The following DCC variants were observed in gnomAD, a reference collection of about 807,000 sequenced individuals.
DCC encodes DCC netrin 1 receptor.
A neutral mutation model predicts 172.5 loss-of-function variants in DCC; 58 were observed. The ratio of observed to expected loss-of-function variants is 0.34; its 90% CI spans 0.27 to 0.42. The LOEUF (loss-of-function observed/expected upper bound fraction) is 0.42. DCC is among the 10% of genes least tolerant of loss of function. The probability of loss-of-function intolerance (pLI) is 1.00; values close to 1 mark genes in which losing one functional copy is unlikely to be tolerated. For missense variants in DCC, 1,740 were observed against 1,791.0 expected, an observed-to-expected ratio of 0.97 and a Z score of 0.51; for synonymous variants, 709 against 644.5, an observed-to-expected ratio of 1.10 and a Z score of -1.52.
At chr18:52,596,811 T>C (rs1598942764) in intron 1 of DCC, among the ~76,000 whole-genome samples, 1 of 152,228 alleles carries the variant, frequency 6.6e-6, no homozygotes, top group East Asian at 1.9e-4. Flanking sequence ...AAATCCTTCC[T>C]ACATGGCCTC....
rs982791809 is a variant in DCC, at chr18:52,340,654, G to A, written c.-134G>A. The A allele has an allele frequency of 2.6e-6, 2 of 774,486 alleles. No individual in the cohort carries two copies. Among genetic ancestry groups the A allele is most frequent in the Non-Finnish European group, 4.7e-6 (2 of 421,746 alleles). 48.0% of individuals were successfully genotyped at this position (774,486 alleles called of 1,614,324 possible). A position where few individuals can be genotyped will look rare whatever the true frequency, so the allele number is the denominator to read the frequency against. On this transcript the variant is annotated 5_prime_UTR_variant, in exon 1 of 29. Coordinates refer to ENST00000442544, the MANE Select transcript of DCC (RefSeq NM_005215.4). ...AGGGGAGGTGGAGAAAGAGGTGGAG[G>A]AAGAGGACGAGGAGGAGGAGGAAGC...
intron 1 of DCC, among the ~76,000 whole-genome samples, chr18:52,418,858 C>CTTTTTTT (rs11313758): frequency 1.9e-4 from 18 of 92,934 alleles, no homozygotes; most frequent in African/African-American, 4.2e-4. Flanking sequence ...TTCTTTCTTT[C>CTTTTTTT]TTTTTTTTTT....
intron 1 of DCC, among the ~76,000 whole-genome samples, chr18:52,411,400 C>CTAA (rs1433921514): frequency 6.6e-6 from 1 of 152,158 alleles, no homozygotes. Flanking sequence ...GCATGGAAAA[C>CTAA]TAAAGCAAGC....
At chr18:52,464,600 G>C (rs1440668586) in intron 1 of DCC, among the ~76,000 whole-genome samples, 1 of 152,168 alleles carries the variant, frequency 6.6e-6, no homozygotes, top group African/African-American at 2.4e-5. Flanking sequence ...TGAAAATGCA[G>C]GTTCCCCAGC....
chr18:52,451,741 T>G, intron 1 of DCC, among the ~76,000 whole-genome samples: 1 of 152,048 alleles, frequency 6.6e-6, no homozygotes, highest in East Asian at 1.9e-4. Flanking sequence ...TAAAAAGGTA[T>G]AAGTGGTCAA....
At chr18:52,552,363 G>T (rs750023727) in intron 1 of DCC, among the ~76,000 whole-genome samples, 3 of 152,034 alleles carry the variant, frequency 2.0e-5, no homozygotes, top group Non-Finnish European at 4.4e-5. Context: ...CCATTCTTGA[G>T]ATATGTGCAT....
chr18:53,171,366 T>C (rs149072752), intron 8 of DCC, among the ~76,000 whole-genome samples: 73 of 152,292 alleles, frequency 4.8e-4, no homozygotes, highest in African/African-American at 1.6e-3. Flanking sequence ...CATAGAGTTG[T>C]CTTGGAGGTG....
In DCC at chr18:53,066,365, A is replaced by G. The variant is rs1210613456; in HGVS notation, c.1261+199A>G. On this transcript the variant is annotated intron_variant, in intron 7 of 28. Coordinates refer to ENST00000442544, the MANE Select transcript of DCC (RefSeq NM_005215.4). ...TGTGTACATGTGTGTATATATATATATATATATATATATATATATATATAT... is the reference window on the plus strand; with the variant it reads ...TGTGTACATGTGTGTATATATATATGTATATATATATATATATATATATAT... 4.7e-3 allele frequency among the ~76,000 whole-genome samples: 264 copies of G among 55,968 alleles called. 5 individuals carry two copies. Among genetic ancestry groups the G allele is most frequent in the African/African-American group, 0.016 (110 of 6,684 alleles). 36.7% of individuals were successfully genotyped at this position (55,968 alleles called of 152,430 possible).
At chr18:52,500,728 T>C (rs1002789888) in intron 1 of DCC, among the ~76,000 whole-genome samples, 2 of 152,212 alleles carry the variant, frequency 1.3e-5, no homozygotes, top group African/African-American at 4.8e-5. Flanking sequence ...TTTTTCATAA[T>C]GTCTCTCTCA....
chr18:52,364,055 C>A, intron 1 of DCC, among the ~76,000 whole-genome samples: 1 of 152,146 alleles, frequency 6.6e-6, no homozygotes, highest in Non-Finnish European at 1.5e-5. Flanking sequence ...CTTGAGTCAC[C>A]CTCTCATGGC....
At chr18:53,336,795 G>C (rs1192076554) in intron 14 of DCC, among the ~76,000 whole-genome samples, 1 of 152,224 alleles carries the variant, frequency 6.6e-6, no homozygotes. Flanking sequence ...AGGTTGGCTT[G>C]AGTCAGAGGG....
chr18:52,581,187 T>TATCTATCTATCTATCTATCTATCTATC (rs1555699056), intron 1 of DCC, among the ~76,000 whole-genome samples: 2 of 146,452 alleles, frequency 1.4e-5, no homozygotes, highest in Non-Finnish European at 3.0e-5. Flanking sequence ...TCTATATATC[T>TATCTATCTATCTATCTATCTATCTATC]TATCTATCTA....
chr18:53,499,589 A>G (rs1388791482), intron 27 of DCC, 79 bp downstream of exon 27: 1 of 1,150,726 alleles, frequency 8.7e-7, no homozygotes, highest in Non-Finnish European at 1.3e-6. Flanking sequence ...GTGCTTGAGA[A>G]GGCCTAGATG....
intron 15 of DCC, among the ~76,000 whole-genome samples, chr18:53,343,998 C>T (rs1221455582): frequency 6.6e-6 from 1 of 151,780 alleles, no homozygotes; most frequent in Non-Finnish European, 1.5e-5. Flanking sequence ...TCATATTGGT[C>T]TTTTCTTGTT....
chr18:53,152,994 G>T (rs1248641830), intron 7 of DCC, among the ~76,000 whole-genome samples: 1 of 152,200 alleles, frequency 6.6e-6, no homozygotes, highest in African/African-American at 2.4e-5. Context: ...GGAGAAAAGA[G>T]GGAGGAGCAT....
chr18:53,395,561 G>A (rs535303863), intron 17 of DCC, among the ~76,000 whole-genome samples: 2 of 152,240 alleles, frequency 1.3e-5, no homozygotes, highest in South Asian at 2.1e-4. Flanking sequence ...TGACCACTTT[G>A]TGTTTTATTT....
intron 12 of DCC, among the ~76,000 whole-genome samples, chr18:53,257,836 G>C (rs1201222220): frequency 1.3e-5 from 2 of 152,126 alleles, no homozygotes; most frequent in Non-Finnish European, 2.9e-5. Flanking sequence ...GAATCCATCT[G>C]GTCCTGGACT....
At chr18:53,175,588 G>A (rs1022477990) in intron 8 of DCC, among the ~76,000 whole-genome samples, 1 of 150,062 alleles carries the variant, frequency 6.7e-6, no homozygotes, top group African/African-American at 2.4e-5. Flanking sequence ...TTGCTTCAAA[G>A]AGAATAAAAT....
chr18:53,304,362 GC>G (rs1484013238), intron 12 of DCC, among the ~76,000 whole-genome samples: 2 of 151,696 alleles, frequency 1.3e-5, no homozygotes, highest in African/African-American at 2.4e-5. Flanking sequence ...GGATATGACT[GC>G]TTTTTTTTTC....
Sources: gnomAD v4.1 joint callset for allele counts (sites outside exome capture counted in the v4.1 genomes callset) on GRCh38, gnomAD v4.1.1 for gene constraint, MANE v1.5 for transcripts, NCBI Gene and HGNC (gene_info 2026-07-23, HGNC 2026-07-21) for gene names.